Variants in MON1A observed in about 807,000 individuals in gnomAD.
MON1A encodes MON1 vesicular trafficking associated A, also known as vacuolar fusion protein MON1 homolog A.
In MON1A, 29 loss-of-function variants were observed where a neutral mutation model predicts 44.6. That is an observed-to-expected ratio of 0.65 (90% CI 0.48 to 0.89). The LOEUF (loss-of-function observed/expected upper bound fraction) is 0.89. Ranked by LOEUF, MON1A falls within the 40% of genes least tolerant of loss-of-function variation. The pLI, the probability that MON1A is intolerant of heterozygous loss-of-function variation, is 0.00. For missense variants in MON1A, 615 were observed against 759.6 expected, an observed-to-expected ratio of 0.81 and a Z score of 2.24; for synonymous variants, 275 against 316.4, an observed-to-expected ratio of 0.87 and a Z score of 1.39.
At chr3:49,927,656 C>T (rs530743961) in intron 1 of MON1A, among the ~76,000 whole-genome samples, 3 of 152,276 alleles carry the variant, frequency 2.0e-5, no homozygotes. Context: ...GGGAGTTCCT[C>T]CAGGCTAACT....
At chr3:49,928,309 A>G (rs747755509) in intron 1 of MON1A, among the ~76,000 whole-genome samples, 5 of 152,216 alleles carry the variant, frequency 3.3e-5, no homozygotes, top group Non-Finnish European at 5.9e-5. Flanking sequence ...AGTGAATCAC[A>G]GCAAAATCCA....
chr3:49,908,905 C>T lies in MON1A; in HGVS notation c.*109G>A, dbSNP rs2082840955. On this transcript the variant is annotated 3_prime_UTR_variant, in exon 6 of 6. Transcript: ENST00000296473. ...AAGCACTTTAATGCATTCACCAACCCACAGTCCCTGCCCGCTGGCTGGGCA... is the reference window on the plus strand; with the variant it reads ...AAGCACTTTAATGCATTCACCAACCTACAGTCCCTGCCCGCTGGCTGGGCA... 7.4e-7 allele frequency: 1 copy of T among 1,348,982 alleles called. No individual in the cohort carries two copies. Among genetic ancestry groups the T allele is most frequent in the East Asian group, 2.4e-5 (1 of 41,954 alleles). The allele number at this position is 1,348,982 out of a possible 1,614,324, so 83.6% of individuals were successfully genotyped here. A position where few individuals can be genotyped will look rare whatever the true frequency, so the allele number is the denominator to read the frequency against.
In MON1A at chr3:49,913,480, A is replaced by G. The variant is rs1397972696; in HGVS notation, c.-13-121T>C. The G allele has an allele frequency of 6.6e-6, 6 of 902,600 alleles. No individual in the cohort carries two copies. In the East Asian group the frequency reaches 1.3e-4, roughly 19 times the overall value. The allele number at this position is 902,600 out of a possible 1,614,324, so 55.9% of individuals were successfully genotyped here. Reference sequence around the variant, plus strand: ...ACTCCACTAACTCAAATCTCTAGAAAATGGATTCTGAGAATTCCTTTCAAA... The same window carrying G: ...ACTCCACTAACTCAAATCTCTAGAAGATGGATTCTGAGAATTCCTTTCAAA... On this transcript the variant is annotated intron_variant, in intron 1 of 5. Coordinates refer to ENST00000296473, the MANE Select transcript of MON1A (RefSeq NM_032355.4).
chr3:49,929,437 A>G, intron 1 of MON1A, 172 bp downstream of exon 1: 1 of 765,540 alleles, frequency 1.3e-6, no homozygotes, highest in South Asian at 1.6e-5. Flanking sequence ...CGCCTTTTGT[A>G]TTCCCCAGCT....
chr3:49,914,665 A>C (rs1359380579), intron 1 of MON1A, among the ~76,000 whole-genome samples: 1 of 147,422 alleles, frequency 6.8e-6, no homozygotes, highest in African/African-American at 2.5e-5. Context: ...CTCCTGCCTC[A>C]GCCTTGCAAG....
intron 1 of MON1A, among the ~76,000 whole-genome samples, chr3:49,918,040 CA>C (rs1004677386): frequency 1.4e-5 from 2 of 145,162 alleles, no homozygotes; most frequent in African/African-American, 5.1e-5. Context: ...AATTGCGTCT[CA>C]AAAAAAACAA....
intron 1 of MON1A, among the ~76,000 whole-genome samples, chr3:49,927,091 T>C (rs1055442756): frequency 6.6e-6 from 1 of 152,202 alleles, no homozygotes; most frequent in African/African-American, 2.4e-5. Flanking sequence ...ACTTGTGTTT[T>C]TATCCCTCAG....
chr3:49,910,783 T>C lies in MON1A; in HGVS notation c.715A>G (p.Ile239Val), dbSNP rs768893537. 9.3e-6 allele frequency: 15 copies of C among 1,613,936 alleles called. No individual in the cohort carries two copies. The highest frequency in any genetic ancestry group is 1.2e-5 in the Non-Finnish European group (14 of 1,180,014). Residue 239 changes from isoleucine (I) to valine (V), a missense_variant, in exon 4 of 6, where the codon ATC becomes GTC. Transcript: ENST00000296473. This position sits in a 1 kb window ranked among gnomAD's most constrained non-coding sequence, Gnocchi z 8.0. ...AGAAGGCTTAGGATCTGGTAGTAGATGTAGAGCAGCTCCTGCGCCAGCTCT... is the reference window on the plus strand; with the variant it reads ...AGAAGGCTTAGGATCTGGTAGTAGACGTAGAGCAGCTCCTGCGCCAGCTCT... ...AQELAQELLY[I>V]YYQILSLLTG...
At chr3:49,912,101 C>T (rs2082893545) in intron 2 of MON1A, 90 bp from the exon 3 acceptor site, 2 of 1,445,454 alleles carry the variant, frequency 1.4e-6, no homozygotes, top group Non-Finnish European at 1.9e-6. Flanking sequence ...TCCAGCATGA[C>T]TGCCTGTCTT....
intron 1 of MON1A, chr3:49,929,298 G>A (rs938309932): frequency 3.1e-5 from 14 of 454,502 alleles, no homozygotes; most frequent in African/African-American, 2.9e-4. Context: ...TGCTTTTTGA[G>A]AAGACTCTAC....
intron 1 of MON1A, among the ~76,000 whole-genome samples, chr3:49,918,063 G>A (rs1265034150): frequency 2.6e-5 from 4 of 151,742 alleles, no homozygotes; most frequent in East Asian, 2.0e-4. Flanking sequence ...AAGGCCAGGC[G>A]CGGTGGCACA....
rs148809365 is a variant in MON1A, at chr3:49,913,318, C to T, written c.29G>A (p.Ser10Asn). Residue 10 changes from serine to asparagine, a missense_variant, in exon 2 of 6, where the codon AGC becomes AAC. Physicochemically the swap from Ser to Asn is conservative, Grantham distance 46. Transcript: ENST00000296473. MATDMQRKR[S>N]SECLDGTLTP... ...CAATGTGCCATCAAGGCATTCGCTG[C>T]TTCTCTTCCTCTGCATGTCAGTAGC... The T allele has an allele frequency of 5.0e-4, 809 of 1,613,606 alleles. 1 individual carries two copies. The African/African-American group carries it at 9.3e-3, about 18-fold the overall frequency.
At chr3:49,912,092 C>T in intron 2 of MON1A, 81 bp from the exon 3 acceptor site, 3 of 1,470,478 alleles carry the variant, frequency 2.0e-6, no homozygotes, top group South Asian at 1.4e-5. Flanking sequence ...CGTGGTCACT[C>T]CAGCATGACT....
intron 1 of MON1A, among the ~76,000 whole-genome samples, chr3:49,921,556 G>T (rs1191415498): frequency 2.1e-5 from 3 of 143,876 alleles, no homozygotes; most frequent in African/African-American, 7.7e-5. Flanking sequence ...GGATCACCAG[G>T]TCAGGATATC....
intron 1 of MON1A, among the ~76,000 whole-genome samples, chr3:49,918,954 G>A (rs2082972342): frequency 6.6e-6 from 1 of 152,140 alleles, no homozygotes; most frequent in Admixed American, 6.6e-5. Flanking sequence ...GGCCTAGGTG[G>A]GCAAACCACT....
At chr3:49,919,127 G>GC (rs1440750737) in intron 1 of MON1A, among the ~76,000 whole-genome samples, 2 of 152,180 alleles carry the variant, frequency 1.3e-5, no homozygotes, top group African/African-American at 2.4e-5. Flanking sequence ...AGGCTGCAGT[G>GC]AGTGGTGATC....
chr3:49,914,001 G>A (rs1160641528), intron 1 of MON1A, among the ~76,000 whole-genome samples: 1 of 151,924 alleles, frequency 6.6e-6, no homozygotes, highest in African/African-American at 2.4e-5. Context: ...ACAGCTCACT[G>A]CAGCCTTGAC....
chr3:49,927,925 C>A (rs1488414390), intron 1 of MON1A, among the ~76,000 whole-genome samples: 7 of 150,548 alleles, frequency 4.6e-5, no homozygotes, highest in East Asian at 3.9e-4. Flanking sequence ...CAAAAAAAAA[C>A]AAAAAACTCC....
chr3:49,909,190 A>AAAG lies in MON1A; in HGVS notation c.1528-37_1528-36insCTT. Reference sequence around the variant, plus strand: ...GGCAAAGGGTCGTCATCTAGGTTAGAGGCCCCTCATGGCCCATACCTAGGA... The same window carrying AAAG: ...GGCAAAGGGTCGTCATCTAGGTTAGAAAGGGCCCCTCATGGCCCATACCTAGGA... On this transcript the variant is annotated intron_variant, in intron 5 of 5. Coordinates refer to ENST00000296473, the MANE Select transcript of MON1A (RefSeq NM_032355.4). This position sits in a 1 kb window ranked among gnomAD's most constrained non-coding sequence, Gnocchi z 4.0. The AAAG allele has an allele frequency of 6.2e-7, 1 of 1,611,066 alleles. No homozygotes were observed. Among genetic ancestry groups the AAAG allele is most frequent in the African/African-American group, 1.3e-5 (1 of 74,886 alleles).
Sources: allele counts gnomAD v4.1 joint callset (sites outside exome capture counted in the v4.1 genomes callset), GRCh38; gene constraint gnomAD v4.1.1; non-coding constraint Gnocchi (gnomAD v3.1); transcripts MANE v1.5; gene names NCBI Gene and HGNC (gene_info 2026-07-23, HGNC 2026-07-21).